EPHB1: variants seen among roughly 807,000 people sequenced by gnomAD.
The protein encoded by EPHB1 is EPH receptor B1, also known as ephrin type-B receptor 1.
In EPHB1, 30 loss-of-function variants were observed where a neutral mutation model predicts 94.4. The ratio of observed to expected loss-of-function variants is 0.32; its 90% CI spans 0.24 to 0.43. The LOEUF is 0.43. Among genes scored for constraint, EPHB1 ranks in the 20% least tolerant of loss-of-function variants. EPHB1 has a pLI of 1.00. For synonymous variants in EPHB1, 522 were observed against 489.1 expected (o/e 1.07, Z -0.89); for missense variants, 1,055 against 1,308.3 (o/e 0.81, Z 2.99).
At chr3:134,894,269 G>A (rs1163047771) in intron 1 of EPHB1, among the ~76,000 whole-genome samples, 6 of 152,160 alleles carry the variant, frequency 3.9e-5, no homozygotes, top group East Asian at 3.9e-4. Context: ...TCACCACTTC[G>A]GAGTTCAGCA....
chr3:135,174,536 T>C (rs1941918986), intron 9 of EPHB1, among the ~76,000 whole-genome samples: 1 of 152,220 alleles, frequency 6.6e-6, no homozygotes, highest in South Asian at 2.1e-4. Flanking sequence ...GGGCTCCTGA[T>C]CCAAGACTAT....
intron 3 of EPHB1, among the ~76,000 whole-genome samples, chr3:135,013,460 A>AATCCG (rs1935688357): frequency 6.6e-6 from 1 of 152,190 alleles, no homozygotes; most frequent in African/African-American, 2.4e-5. Flanking sequence ...CATACCGAGG[A>AATCCG]ATCCGTATGT....
At chr3:135,180,748 A>G (rs1942132592) in intron 10 of EPHB1, among the ~76,000 whole-genome samples, 1 of 152,222 alleles carries the variant, frequency 6.6e-6, no homozygotes, top group African/African-American at 2.4e-5. Context: ...ATTAATGTAA[A>G]TGAGATAAAA....
At chr3:135,088,556 T>C (rs1000295479) in intron 3 of EPHB1, among the ~76,000 whole-genome samples, 1 of 152,202 alleles carries the variant, frequency 6.6e-6, no homozygotes, top group Non-Finnish European at 1.5e-5. Flanking sequence ...TGCATTCTAC[T>C]TCGTTGCTTT....
At chr3:134,943,566 C>T (rs1377724388) in intron 2 of EPHB1, among the ~76,000 whole-genome samples, 3 of 152,138 alleles carry the variant, frequency 2.0e-5, no homozygotes, top group Admixed American at 6.5e-5. Flanking sequence ...CCCGACTGAC[C>T]TCCAGGTTGG....
intron 1 of EPHB1, among the ~76,000 whole-genome samples, chr3:134,799,311 T>A (rs2035890863): frequency 1.3e-5 from 2 of 152,244 alleles, no homozygotes; most frequent in Admixed American, 1.3e-4. Context: ...GTTTGCTGTG[T>A]GTTCATCTGT....
At chr3:135,169,815 A>C (rs1941753007) in intron 9 of EPHB1, among the ~76,000 whole-genome samples, 1 of 152,190 alleles carries the variant, frequency 6.6e-6, no homozygotes, top group Non-Finnish European at 1.5e-5. Context: ...AGGGCACATG[A>C]CTAAGTAGCA....
chr3:135,246,649 A>T (rs1398772660), intron 13 of EPHB1, among the ~76,000 whole-genome samples: 2 of 152,140 alleles, frequency 1.3e-5, no homozygotes. Flanking sequence ...CTCATGGGGA[A>T]ATGGGGTTAA....
chr3:135,257,614 T>C (rs1337128656), intron 15 of EPHB1, among the ~76,000 whole-genome samples: 1 of 151,770 alleles, frequency 6.6e-6, no homozygotes, highest in East Asian at 1.9e-4. Context: ...ACCACTGCTC[T>C]CTTCAAAGCT....
intron 4 of EPHB1, among the ~76,000 whole-genome samples, chr3:135,126,311 A>T (rs1034266632): frequency 2.6e-5 from 4 of 152,212 alleles, no homozygotes; most frequent in Non-Finnish European, 5.9e-5. Flanking sequence ...AGTCTTGAGT[A>T]TCAAGTGTCC....
At chr3:135,158,276 T>A (rs1941412928) in intron 6 of EPHB1, among the ~76,000 whole-genome samples, 1 of 152,040 alleles carries the variant, frequency 6.6e-6, no homozygotes, top group Non-Finnish European at 1.5e-5. Context: ...CATCTCCTCT[T>A]CCCCCAAGGA....
intron 12 of EPHB1, among the ~76,000 whole-genome samples, chr3:135,228,294 G>A (rs900064876): frequency 6.6e-6 from 1 of 152,102 alleles, no homozygotes; most frequent in Non-Finnish European, 1.5e-5. Flanking sequence ...GAGTTTGTCT[G>A]ATGTCCCTTC....
chr3:134,848,160 G>A (rs775548904), intron 1 of EPHB1, among the ~76,000 whole-genome samples: 1 of 152,126 alleles, frequency 6.6e-6, no homozygotes, highest in Non-Finnish European at 1.5e-5. Flanking sequence ...AATGAAACTG[G>A]ATTAAACTGC....
chr3:135,182,986 C>CTTTCTTTTCTTTTCT (rs755058104), intron 10 of EPHB1, among the ~76,000 whole-genome samples: 1,785 of 110,342 alleles, frequency 0.016, 69 homozygotes, highest in Non-Finnish European at 0.021. Context: ...TTTTCTTTTG[C>CTTTCTTTTCTTTTCT]TTTCTTTTCT....
chr3:135,061,130 T>A (rs1937488556), intron 3 of EPHB1, among the ~76,000 whole-genome samples: 2 of 151,952 alleles, frequency 1.3e-5, no homozygotes, highest in South Asian at 2.1e-4. Context: ...GGATCTCATT[T>A]AAAAAAAAAT....
At chr3:135,101,290 T>TTTTG (rs1939026905) in intron 3 of EPHB1, among the ~76,000 whole-genome samples, 1 of 152,198 alleles carries the variant, frequency 6.6e-6, no homozygotes, top group Non-Finnish European at 1.5e-5. Flanking sequence ...ACCTCTTTTC[T>TTTTG]TCTCCCTTTG....
intron 5 of EPHB1, among the ~76,000 whole-genome samples, chr3:135,139,415 T>TC (rs144068136): frequency 0.011 from 1,650 of 152,336 alleles, 26 homozygotes; most frequent in African/African-American, 0.037. Flanking sequence ...TTATGACTGC[T>TC]CACCAAGTAC....
chr3:134,965,687 T>C (rs984936212), intron 3 of EPHB1, among the ~76,000 whole-genome samples: 1 of 152,222 alleles, frequency 6.6e-6, no homozygotes, highest in African/African-American at 2.4e-5. Flanking sequence ...ACTACCCTTC[T>C]GCCCGCTTGT....
chr3:134,937,456 T>A (rs182996130), intron 2 of EPHB1, among the ~76,000 whole-genome samples: 1 of 152,348 alleles, frequency 6.6e-6, no homozygotes, highest in African/African-American at 2.4e-5. Flanking sequence ...CACCCCTTCC[T>A]TCTCCCATGG....
Sources: gnomAD v4.1 joint callset for allele counts (sites outside exome capture counted in the v4.1 genomes callset) on GRCh38, gnomAD v4.1.1 for gene constraint, MANE v1.5 for transcripts, NCBI Gene and HGNC (gene_info 2026-07-23, HGNC 2026-07-21) for gene names.